The following SYT7 variants were observed in gnomAD, a reference collection of about 807,000 sequenced individuals.
SYT7 encodes synaptotagmin-7.
Under a neutral mutation model 75.1 loss-of-function variants are expected in SYT7, and 29 were observed. The observed-to-expected ratio is 0.39, with a 90% CI of 0.29 to 0.53. SYT7 has a LOEUF of 0.53. SYT7 is among the 20% of genes least tolerant of loss of function. The probability of loss-of-function intolerance (pLI) is 0.77; values close to 1 mark genes in which losing one functional copy is unlikely to be tolerated. For missense variants in SYT7, 693 were observed against 953.2 expected (o/e 0.73, Z 3.59); for synonymous variants, 376 against 401.7 (o/e 0.94, Z 0.76).
intron 8 of SYT7, among the ~76,000 whole-genome samples, chr11:61,529,484 G>A (rs2068958755): frequency 6.6e-6 from 1 of 152,166 alleles, no homozygotes; most frequent in Non-Finnish European, 1.5e-5. Flanking sequence ...CATGGCCAAG[G>A]CTGACGGCAG....
chr11:61,556,878 A>G (rs2063514410), intron 1 of SYT7, among the ~76,000 whole-genome samples: 1 of 141,424 alleles, frequency 7.1e-6, no homozygotes, highest in Admixed American at 7.3e-5. Flanking sequence ...CTATCCCCCA[A>G]GCTCACCCCC....
chr11:61,568,621 T>C (rs961932382), intron 1 of SYT7, among the ~76,000 whole-genome samples: 2 of 152,200 alleles, frequency 1.3e-5, no homozygotes, highest in East Asian at 3.9e-4. Context: ...AGTGTATCCA[T>C]CTGCCCTTAC....
At chr11:61,534,474 C>T (rs116506430) in intron 7 of SYT7, among the ~76,000 whole-genome samples, 2,298 of 150,918 alleles carry the variant, frequency 0.015, 23 homozygotes, top group South Asian at 0.06. Flanking sequence ...CATATGTACA[C>T]ACACACATGC....
chr11:61,581,079 G>T (rs1414425563), upstream of SYT7: 4 of 389,596 alleles, frequency 1.0e-5, no homozygotes, highest in African/African-American at 2.2e-5. Context: ...GCGTGTGCGC[G>T]CCGGAGCGTG....
At chr11:61,547,608 C>T (rs1267855346) in intron 3 of SYT7, among the ~76,000 whole-genome samples, 2 of 150,936 alleles carry the variant, frequency 1.3e-5, no homozygotes, top group Non-Finnish European at 1.5e-5. Flanking sequence ...ACTGGAGCCT[C>T]GCACCTGGGA....
At chr11:61,530,800 C>T in intron 8 of SYT7, 4 of 985,398 alleles carry the variant, frequency 4.1e-6, no homozygotes, top group Non-Finnish European at 4.8e-6. Context: ...TATGCCCACT[C>T]CCAGCCTTCT....
chr11:61,548,067 C>G (rs2063243511), intron 3 of SYT7, among the ~76,000 whole-genome samples: 1 of 152,232 alleles, frequency 6.6e-6, no homozygotes. Context: ...GGGATCTCAG[C>G]TGAGCTGGAG....
At position 61,524,025 on chromosome 11, in the gene SYT7, C is replaced by T. The variant is rs908492464; in HGVS notation, c.1642-84G>A. Reference sequence around the variant, plus strand: ...CTAGCTGCCCCCAGGTCCCCTCTACCCTGACCTTGGTGCTTACCCATGCCC... The same window carrying T: ...CTAGCTGCCCCCAGGTCCCCTCTACTCTGACCTTGGTGCTTACCCATGCCC... On this transcript the variant is annotated intron_variant, in intron 10 of 12. Transcript: ENST00000539008. This position sits in a 1 kb window ranked among gnomAD's most constrained non-coding sequence, Gnocchi z 4.1. 7.9e-7 allele frequency: 1 copy of T among 1,260,154 alleles called. No homozygotes were observed. Among genetic ancestry groups the T allele is most frequent in the African/African-American group, 1.5e-5 (1 of 67,876 alleles). 78.1% of individuals were successfully genotyped at this position (1,260,154 alleles called of 1,614,324 possible). A position where few individuals can be genotyped will look rare whatever the true frequency, so the allele number is the denominator to read the frequency against.
At position 61,516,524 on chromosome 11, in the gene SYT7, G is replaced by A. The variant is rs1488649814; in HGVS notation, c.*2103C>T. On this transcript the variant is annotated 3_prime_UTR_variant, in exon 13 of 13. Transcript: ENST00000539008. The surrounding 1 kb of genome is among the most constrained non-coding windows in gnomAD (Gnocchi z 4.6). Reference sequence around the variant, plus strand: ...TCTTCCGCGGGGCAGGCGGGTGGTGGGGGGACAGGAAACCGAGGCGGATCC... The same window carrying A: ...TCTTCCGCGGGGCAGGCGGGTGGTGAGGGGACAGGAAACCGAGGCGGATCC... 1 of 152,108 alleles carries A rather than the reference G, an allele frequency of 6.6e-6. No homozygotes were observed. Among genetic ancestry groups the A allele is most frequent in the Non-Finnish European group, 1.5e-5 (1 of 68,048 alleles). The allele number at this position is 152,108 out of a possible 1,614,324, so 9.4% of individuals were successfully genotyped here.
At chr11:61,569,697 T>A (rs1487842809) in intron 1 of SYT7, among the ~76,000 whole-genome samples, 28 of 150,482 alleles carry the variant, frequency 1.9e-4, no homozygotes, top group Admixed American at 1.9e-3. Context: ...ACTGGAAGAC[T>A]CCAGGAAAGG....
At chr11:61,544,146 C>A (rs2063121199) in intron 5 of SYT7, among the ~76,000 whole-genome samples, 1 of 152,134 alleles carries the variant, frequency 6.6e-6, no homozygotes, top group Non-Finnish European at 1.5e-5. Context: ...AAATATTTCC[C>A]AAGTGGCCTT....
intron 1 of SYT7, among the ~76,000 whole-genome samples, chr11:61,563,171 TC>T (rs931561528): frequency 2.6e-5 from 4 of 152,188 alleles, no homozygotes; most frequent in East Asian, 1.9e-4. Context: ...TGGAATTCTC[TC>T]CCCATGAATT....
intron 1 of SYT7, among the ~76,000 whole-genome samples, chr11:61,569,785 G>A (rs1565207740): frequency 6.6e-6 from 1 of 152,152 alleles, no homozygotes; most frequent in Non-Finnish European, 1.5e-5. Flanking sequence ...GAGAGCGGGG[G>A]AGGACGGCTT....
Position 61,513,949 on chromosome 11 carries a change from G to C in SYT7, c.*4678C>G, listed in dbSNP as rs973203985. Among the ~76,000 whole-genome samples, 11 of 152,154 alleles carry C rather than the reference G, an allele frequency of 7.2e-5. No individual in the cohort carries two copies. Among genetic ancestry groups the C allele is most frequent in the African/African-American group, 2.2e-4 (9 of 41,424 alleles). The stretch of plus-strand genomic sequence containing the variant: ...CTTCTGGTTGTCTTTGCGTGGGAGG[G>C]AGAGGAGCGCAGGACGTAACCCAGG... On this transcript the variant is annotated 3_prime_UTR_variant, in exon 13 of 13. Coordinates refer to ENST00000539008, the MANE Select transcript of SYT7 (RefSeq NM_001365809.2).
At chr11:61,550,403 G>T (rs1474658153) in intron 3 of SYT7, among the ~76,000 whole-genome samples, 1 of 152,124 alleles carries the variant, frequency 6.6e-6, no homozygotes, top group African/African-American at 2.4e-5. Flanking sequence ...AGACACACAG[G>T]GGAAGGCAGG....
intron 1 of SYT7, among the ~76,000 whole-genome samples, chr11:61,561,852 G>A (rs900156950): frequency 1.1e-4 from 17 of 152,028 alleles, no homozygotes; most frequent in Non-Finnish European, 1.5e-4. Flanking sequence ...TCTGACACAC[G>A]GGGGGTGCTC....
chr11:61,528,422 C>T (rs916569798), intron 8 of SYT7, among the ~76,000 whole-genome samples: 6 of 152,098 alleles, frequency 3.9e-5, no homozygotes, highest in Non-Finnish European at 5.9e-5. Flanking sequence ...GTGGTATGCA[C>T]GACACTCACT....
At chr11:61,538,848 G>A (rs1039482804) in intron 6 of SYT7, among the ~76,000 whole-genome samples, 3 of 152,216 alleles carry the variant, frequency 2.0e-5, no homozygotes, top group Non-Finnish European at 4.4e-5. Context: ...CTGTCCTTAT[G>A]GAAGCCCTTC....
chr11:61,545,384 G>C (rs2063154052), intron 5 of SYT7, among the ~76,000 whole-genome samples: 1 of 152,232 alleles, frequency 6.6e-6, no homozygotes, highest in East Asian at 1.9e-4. Flanking sequence ...GCCAGTGGTG[G>C]GATAGCTCGG....
Sources: gnomAD v4.1 joint callset for allele counts (sites outside exome capture counted in the v4.1 genomes callset) on GRCh38, gnomAD v4.1.1 for gene constraint, Gnocchi (gnomAD v3.1) non-coding constraint, MANE v1.5 for transcripts, NCBI Gene and HGNC (gene_info 2026-07-23, HGNC 2026-07-21) for gene names.